AQP5: variants seen among roughly 807,000 people sequenced by gnomAD.
AQP5 encodes aquaporin-5.
A neutral mutation model predicts 19.1 loss-of-function variants in AQP5; 15 were observed. That is an observed-to-expected ratio of 0.79 (90% CI 0.53 to 1.21). AQP5 has a LOEUF of 1.21. Ranked by LOEUF, AQP5 falls within the 50% of genes most tolerant of loss-of-function variation. AQP5 has a pLI of 0.00. For synonymous variants in AQP5, 182 were observed against 160.3 expected (o/e 1.14, Z -1.02); for missense variants, 355 against 357.1 (o/e 0.99, Z 0.05).
rs761326596 is a variant in AQP5 at position 49,962,346 on chromosome 12, C to T, written c.329C>T (p.Pro110Leu). 1.2e-6 allele frequency: 2 copies of T among 1,602,400 alleles called. No homozygotes were observed. Among genetic ancestry groups the T allele is most frequent in the Non-Finnish European group, 8.5e-7 (1 of 1,178,742 alleles). Residue 110 changes from proline to leucine, a missense_variant, in exon 1 of 4, where the codon CCG becomes CTG. By Grantham distance (98) the Pro-to-Leu change is moderately conservative. Coordinates refer to ENST00000293599, the MANE Select transcript of AQP5 (RefSeq NM_001651.4). ...GCTGGCATCCTCTACGGTGTGGCAC[C>T]GCTCAATGCCCGGGGCAATCTGGCC... ...AGAGILYGVA[P>L]LNARGNLAVN...
Position 49,965,147 on chromosome 12 carries a change from G to T in AQP5, c.768G>T (p.Arg256=). Reference sequence around the variant, plus strand: ...ACTGGGAGGAGCAGCGGGAAGAGCGGAAGAAGACCATGGAGCTGACCACCC... The same window carrying T: ...ACTGGGAGGAGCAGCGGGAAGAGCGTAAGAAGACCATGGAGCTGACCACCC... ...DEDWEEQREE[R]KKTMELTTR Residue 256 remains arginine, a synonymous_variant, in exon 4 of 4, where the codon CGG becomes CGT. Coordinates refer to ENST00000293599, the MANE Select transcript of AQP5 (RefSeq NM_001651.4). 1 of 1,613,144 alleles carries T rather than the reference G, an allele frequency of 6.2e-7. No individual in the cohort carries two copies. Among genetic ancestry groups the T allele is most frequent in the Non-Finnish European group, 8.5e-7 (1 of 1,179,624 alleles).
At position 49,962,145 on chromosome 12, in the gene AQP5, T is replaced by C. The variant is rs745880687; in HGVS notation, c.128T>C (p.Leu43Pro). The C allele has an allele frequency of 1.9e-6, 3 of 1,613,060 alleles. No homozygotes were observed. Among genetic ancestry groups the C allele is most frequent in the South Asian group, 1.1e-5 (1 of 91,076 alleles). ...LKWPSALPTI[L>P]QIALAFGLAI... ...TGGCCGTCGGCGCTGCCTACCATCC[T>C]GCAGATCGCGCTGGCGTTTGGCCTG... The change falls in exon 1 of 4, where the codon CTG (leucine) becomes CCG (proline). Residue 43 changes from leucine (L) to proline (P), a missense_variant. Coordinates refer to ENST00000293599, the MANE Select transcript of AQP5 (RefSeq NM_001651.4).
At position 49,962,228 on chromosome 12, in the gene AQP5, G is replaced by T. The variant is rs781095987; in HGVS notation, c.211G>T (p.Ala71Ser). Residue 71 changes from alanine to serine, a missense_variant, in exon 1 of 4, where the codon GCC becomes TCC. Transcript: ENST00000293599. ...CGTGAGCGGCGGCCACATCAACCCC[G>T]CCATCACCCTGGCCCTCTTGGTGGG... Reference protein sequence around the residue: ...GPVSGGHINPAITLALLVGNQ... With the variant: ...GPVSGGHINPSITLALLVGNQ... The T allele has an allele frequency of 6.2e-7, 1 of 1,606,434 alleles. No homozygotes were observed. Among genetic ancestry groups the T allele is most frequent in the South Asian group, 1.1e-5 (1 of 91,054 alleles).
intron 1 of AQP5, among the ~76,000 whole-genome samples, chr12:49,963,231 A>C (rs1330671461): frequency 6.6e-6 from 1 of 152,244 alleles, no homozygotes; most frequent in Non-Finnish European, 1.5e-5. Context: ...GGGGTTGGGC[A>C]GAGCCATTGA....
chr12:49,962,450 C>A lies in AQP5; in HGVS notation c.363+70C>A, dbSNP rs1947438137. The A allele has an allele frequency of 2.3e-6, 3 of 1,318,832 alleles. No homozygotes were observed. The East Asian group carries it at 7.6e-5, about 34-fold the overall frequency. The allele number at this position is 1,318,832 out of a possible 1,614,324, so 81.7% of individuals were successfully genotyped here. ...GCTCAGGACCAGGCCTCTTACCCCA[C>A]CTGGAAAAAAGGGGTGCCGCAGAGT... On this transcript the variant is annotated intron_variant, in intron 1 of 3. Transcript: ENST00000293599.
chr12:49,965,024 C>T lies in AQP5; in HGVS notation c.645C>T (p.Val215=). The part of the protein sequence containing the change: ...VFWVGPIVGA[V]LAAILYFYLL... ...GGGTAGGGCCCATCGTGGGGGCGGT[C>T]CTGGCTGCCATCCTTTACTTCTACC... Residue 215 remains valine, a synonymous_variant, in exon 4 of 4, where the codon GTC becomes GTT. Transcript: ENST00000293599. 1 of 1,613,940 alleles carries T rather than the reference C, an allele frequency of 6.2e-7. No homozygotes were observed. The highest frequency in any genetic ancestry group is 8.5e-7 in the Non-Finnish European group (1 of 1,179,952).
At chr12:49,963,823 C>T (rs899621993) in intron 2 of AQP5, 167 bp downstream of exon 2, 68 of 1,063,350 alleles carry the variant, frequency 6.4e-5, no homozygotes, top group South Asian at 4.3e-4. Flanking sequence ...ATTGATCCCC[C>T]CAAAACCTCT....
In AQP5 at chr12:49,965,015, G is replaced by T; in HGVS notation, c.636G>T (p.Val212=). ...AGGTTTTCTGGGTAGGGCCCATCGT[G>T]GGGGCGGTCCTGGCTGCCATCCTTT... is the stretch of plus-strand genomic sequence containing the variant. ...AHWVFWVGPI[V]GAVLAAILYF... The change falls in exon 4 of 4, where the codon GTG becomes GTT. Residue 212 remains valine (V), a synonymous_variant. Coordinates refer to ENST00000293599, the MANE Select transcript of AQP5 (RefSeq NM_001651.4). 2 of 1,613,782 alleles carry T rather than the reference G, an allele frequency of 1.2e-6. No homozygotes were observed. Among genetic ancestry groups the T allele is most frequent in the Non-Finnish European group, 1.7e-6 (2 of 1,179,880 alleles).
In AQP5 at chr12:49,962,381, G is replaced by T; in HGVS notation, c.363+1G>T. The T allele has an allele frequency of 6.7e-7, 1 of 1,502,786 alleles. No individual in the cohort carries two copies. The highest frequency in any genetic ancestry group is 1.7e-5 in the African/African-American group (1 of 57,306). 93.1% of individuals were successfully genotyped at this position (1,502,786 alleles called of 1,614,324 possible). On this transcript the variant is annotated splice_donor_variant, in intron 1 of 3. Coordinates refer to ENST00000293599, the MANE Select transcript of AQP5 (RefSeq NM_001651.4). LOFTEE classifies it high-confidence loss of function. ...CCGGGGCAATCTGGCCGTCAACGCG[G>T]TGAGTGCCCTGGGGGGGGGGTGGGA...
chr12:49,963,332 T>C (rs575183901), intron 1 of AQP5, among the ~76,000 whole-genome samples, 160 bp from the exon 2 acceptor site: 2 of 152,248 alleles, frequency 1.3e-5, no homozygotes, highest in Non-Finnish European at 2.9e-5. Flanking sequence ...AAATGTACAG[T>C]GTCTTTAACA....
At position 49,962,328 on chromosome 12, in the gene AQP5, T is replaced by G; in HGVS notation, c.311T>G (p.Ile104Ser). 4 of 1,605,020 alleles carry G rather than the reference T, an allele frequency of 2.5e-6. No homozygotes were observed. Among genetic ancestry groups the G allele is most frequent in the Non-Finnish European group, 3.4e-6 (4 of 1,179,704 alleles). Residue 104 changes from isoleucine (I) to serine (S), a missense_variant, in exon 1 of 4, where the codon ATC becomes AGC. Ile to Ser is a moderately radical substitution (Grantham distance 142). Transcript: ENST00000293599. Reference protein sequence around the residue: ...QLVGAIAGAGILYGVAPLNAR... With the variant: ...QLVGAIAGAGSLYGVAPLNAR... ...GTGGGCGCCATTGCCGGGGCTGGCA[T>G]CCTCTACGGTGTGGCACCGCTCAAT... is the stretch of plus-strand genomic sequence containing the variant.
chr12:49,963,343 A>T, intron 1 of AQP5, 149 bp from the exon 2 acceptor site: 1 of 1,066,022 alleles, frequency 9.4e-7, no homozygotes, highest in Non-Finnish European at 1.4e-6. Context: ...GTCTTTAACA[A>T]ATGGCTTCGC....
chr12:49,965,113 C>G lies in AQP5; in HGVS notation c.734C>G (p.Pro245Arg). Residue 245 changes from proline to arginine, a missense_variant, in exon 4 of 4, where the codon CCT becomes CGT. Pro to Arg is a moderately radical substitution (Grantham distance 103, BLOSUM62 -2). Transcript: ENST00000293599. ...RVAIIKGTYE[P>R]DEDWEEQREE... The stretch of plus-strand genomic sequence containing the variant: ...GCCATCATCAAAGGCACGTATGAGC[C>G]TGACGAGGACTGGGAGGAGCAGCGG... The G allele has an allele frequency of 6.2e-7, 1 of 1,614,002 alleles. No homozygotes were observed. Among genetic ancestry groups the G allele is most frequent in the Non-Finnish European group, 8.5e-7 (1 of 1,179,958 alleles).
Position 49,962,374 on chromosome 12 carries a change from C to A in AQP5, c.357C>A (p.Val119=). ...APLNARGNLA[V]NALNNNTTQG... Reference sequence around the variant, plus strand: ...TCAATGCCCGGGGCAATCTGGCCGTCAACGCGGTGAGTGCCCTGGGGGGGG... The same window carrying A: ...TCAATGCCCGGGGCAATCTGGCCGTAAACGCGGTGAGTGCCCTGGGGGGGG... Residue 119 remains valine, a synonymous_variant, in exon 1 of 4, where the codon GTC becomes GTA. Transcript: ENST00000293599. 1 of 1,559,968 alleles carries A rather than the reference C, an allele frequency of 6.4e-7. No homozygotes were observed. The highest frequency in any genetic ancestry group is 8.6e-7 in the Non-Finnish European group (1 of 1,162,830).
rs1947476240 is a variant in AQP5 at position 49,965,146 on chromosome 12, GGAA to G, written c.773_775del (p.Lys258del). ...GACTGGGAGGAGCAGCGGGAAGAGCGGAAGAAGACCATGGAGCTGACCACCCGC... is the reference window on the plus strand; with the variant it reads ...GACTGGGAGGAGCAGCGGGAAGAGCGGAAGACCATGGAGCTGACCACCCGC... On this transcript the variant is annotated inframe_deletion, in exon 4 of 4. Coordinates refer to ENST00000293599, the MANE Select transcript of AQP5 (RefSeq NM_001651.4). 2.5e-6 allele frequency: 4 copies of G among 1,612,988 alleles called. No homozygotes were observed. Among genetic ancestry groups the G allele is most frequent in the South Asian group, 2.2e-5 (2 of 91,016 alleles).
chr12:49,963,649 T>C lies in AQP5; in HGVS notation c.521T>C (p.Leu174Pro), dbSNP rs1430268901. The C allele has an allele frequency of 1.2e-6, 2 of 1,613,376 alleles. No individual in the cohort carries two copies. Among genetic ancestry groups the C allele is most frequent in the Non-Finnish European group, 1.7e-6 (2 of 1,179,910 alleles). Reference protein sequence around the residue: ...SIGLSVTLGHLVGIYFTGCSM... With the variant: ...SIGLSVTLGHPVGIYFTGCSM... ...GGCCTGTCTGTCACCCTGGGCCACC[T>C]TGTCGGAGTGAGCAGTACCGACATT... The change falls in exon 2 of 4, where the codon CTT becomes CCT. Residue 174 changes from leucine (L) to proline (P), a missense_variant. Transcript: ENST00000293599.
At chr12:49,964,699 T>C in intron 3 of AQP5, 1 of 985,352 alleles carries the variant, frequency 1.0e-6, no homozygotes, top group Non-Finnish European at 1.2e-6. Flanking sequence ...ACGTGTCCCC[T>C]CTGAAGGTTT....
rs142676062 is a variant in AQP5 at position 49,962,088 on chromosome 12, T to C, written c.71T>C (p.Phe24Ser). 3.8e-5 allele frequency: 62 copies of C among 1,613,186 alleles called. No individual in the cohort carries two copies. The highest frequency in any genetic ancestry group is 1.2e-4 in the Admixed American group (7 of 60,008). The change falls in exon 1 of 4, where the codon TTC becomes TCC. Residue 24 changes from phenylalanine to serine, a missense_variant. Physicochemically the swap from Phe to Ser is radical, Grantham distance 155. Transcript: ENST00000293599. ...VFAEFLATLI[F>S]VFFGLGSALK... is the part of the protein sequence containing the mutation. ...GCAGAGTTCTTGGCCACCCTCATCT[T>C]CGTCTTCTTTGGCCTGGGCTCGGCC...
intron 3 of AQP5, 70 bp from the exon 4 acceptor site, chr12:49,964,922 G>C (rs990572309): frequency 6.4e-7 from 1 of 1,554,154 alleles, no homozygotes; most frequent in South Asian, 1.2e-5. Flanking sequence ...TCTGTCCTCT[G>C]TGGGGTGGGG....
Sources: allele counts gnomAD v4.1 joint callset (sites outside exome capture counted in the v4.1 genomes callset), GRCh38; gene constraint gnomAD v4.1.1; transcripts MANE v1.5; gene names NCBI Gene and HGNC (gene_info 2026-07-23, HGNC 2026-07-21).